HIBCH: variants seen among roughly 807,000 people sequenced by gnomAD.
HIBCH encodes 3-hydroxyisobutyryl-CoA hydrolase.
Under a neutral mutation model 58.2 loss-of-function variants are expected in HIBCH, and 50 were observed. The observed-to-expected ratio is 0.86, with a 90% confidence interval of 0.68 to 1.09. The LOEUF (loss-of-function observed/expected upper bound fraction) is 1.09, where lower values mean the gene tolerates loss of function less well. Ranked by LOEUF, HIBCH falls within the 50% of genes least tolerant of loss-of-function variation. The pLI is 0.00. For synonymous variants in HIBCH, 151 were observed against 146.9 expected (o/e 1.03, Z -0.20); for missense variants, 450 against 449.7 (o/e 1.00, Z -0.01).
At chr2:190,289,167 T>G (rs1687903415) in intron 5 of HIBCH, among the ~76,000 whole-genome samples, 1 of 152,134 alleles carries the variant, frequency 6.6e-6, no homozygotes, top group African/African-American at 2.4e-5. Flanking sequence ...TTTACTATTT[T>G]AAATACTTTA....
intron 11 of HIBCH, among the ~76,000 whole-genome samples, chr2:190,241,179 GGATA>G (rs1318488261): frequency 2.6e-5 from 4 of 152,130 alleles, no homozygotes; most frequent in Non-Finnish European, 4.4e-5. Flanking sequence ...TATATATTTA[GGATA>G]GTTAGCTTTT....
rs187405060 is a variant in HIBCH, at chr2:190,196,146, C to A, written c.*18-6149G>T. On this transcript the variant is annotated intron_variant, in intron 1 of 1. Coordinates refer to the HIBCH transcript ENST00000399855. ...GGTTTTCTAATTGTCCCTCCCCAAC[C>A]CCCAATGTTCTTCCTTTCCTGTCTT... 2.6e-5 allele frequency among the ~76,000 whole-genome samples: 4 copies of A among 152,098 alleles called. No homozygotes were observed. In the East Asian group the frequency reaches 5.8e-4, roughly 22 times the overall value.
rs1213320075 is a variant in HIBCH at position 190,214,987 on chromosome 2, T to A, written c.892-1912A>T. The A allele has an allele frequency of 6.6e-6, 1 of 152,222 alleles. No individual in the cohort carries two copies. The highest frequency in any genetic ancestry group is 1.5e-5 in the Non-Finnish European group (1 of 68,048). The allele number at this position is 152,222 out of a possible 1,614,324, so 9.4% of individuals were successfully genotyped here. ...TCTAATAAGTACTCTCTTAGAGAAG[T>A]CCCTATGGGACAGGGAGGAGTTGGG... is the stretch of plus-strand genomic sequence containing the variant. On this transcript the variant is annotated intron_variant, in intron 11 of 13. Coordinates refer to ENST00000359678, the MANE Select transcript of HIBCH (RefSeq NM_014362.4). This position sits in a 1 kb window ranked among gnomAD's most constrained non-coding sequence, Gnocchi z 5.5.
rs545858926 is a variant in HIBCH, at chr2:190,288,740, C to T, written c.386-1102G>A. Among the ~76,000 whole-genome samples, 6 of 152,196 alleles carry T rather than the reference C, an allele frequency of 3.9e-5. No homozygotes were observed. The South Asian group carries it at 1.2e-3, about 32-fold the overall frequency. The stretch of plus-strand genomic sequence containing the variant: ...CTAAAAAACAAAAGGAATTGGAAAG[C>T]TTAAAAAGCAGCGGCCTCTATTTGT... On this transcript the variant is annotated intron_variant, in intron 5 of 13. Coordinates refer to ENST00000359678, the MANE Select transcript of HIBCH (RefSeq NM_014362.4).
rs1690547578 is a variant in HIBCH at position 190,212,978 on chromosome 2, T to A, written c.989A>T (p.Tyr330Phe). The change falls in exon 12 of 14, where the codon TAT becomes TTT. Residue 330 changes from tyrosine (Y) to phenylalanine (F), a missense_variant. Transcript: ENST00000359678. ...TACCATACAAGCTTGACTTAGCCGATACTCCATAGTTAGTACTTCTTGCAA... is the reference window on the plus strand; with the variant it reads ...TACCATACAAGCTTGACTTAGCCGAAACTCCATAGTTAGTACTTCTTGCAA... ...KTLQEVLTME[Y>F]RLSQACMRGH... 1.2e-6 allele frequency: 2 copies of A among 1,611,950 alleles called. No homozygotes were observed. The highest frequency in any genetic ancestry group is 2.7e-5 in the African/African-American group (2 of 74,992).
At chr2:190,199,947 G>A, downstream of HIBCH, 1 of 1,614,114 alleles carries the variant, frequency 6.2e-7, no homozygotes, top group Non-Finnish European at 8.5e-7. Flanking sequence ...AACCCTTTAT[G>A]CCAGAAGAGA....
At chr2:190,286,335 C>T (rs1483128135) in intron 6 of HIBCH, among the ~76,000 whole-genome samples, 1 of 152,296 alleles carries the variant, frequency 6.6e-6, no homozygotes, top group African/African-American at 2.4e-5. Flanking sequence ...AACTTACACA[C>T]AAAAACAGTT....
Position 190,197,572 on chromosome 2 carries a change from C to A in HIBCH, c.*17+7528G>T, listed in dbSNP as rs989636421. Among the ~76,000 whole-genome samples, 2 of 152,120 alleles carry A rather than the reference C, an allele frequency of 1.3e-5. No individual in the cohort carries two copies. The highest frequency in any genetic ancestry group is 4.8e-5 in the African/African-American group (2 of 41,394). On this transcript the variant is annotated intron_variant, in intron 1 of 1. Coordinates refer to the HIBCH transcript ENST00000399855. This position sits in a 1 kb window ranked among gnomAD's most constrained non-coding sequence, Gnocchi z 4.0. ...AACCTCTGTTGCATCAGAGTTGCCA[C>A]TCTCTGACTCTCCTGGGGCTCAACT...
downstream of HIBCH, chr2:190,199,696 G>A (rs146918555): frequency 2.4e-4 from 344 of 1,441,198 alleles, 3 homozygotes; most frequent in African/African-American, 4.3e-3. Context: ...TCTCTTGACA[G>A]GTAAACACTA....
In HIBCH at chr2:190,315,647, C is replaced by T. The variant is rs1688695165; in HGVS notation, c.35+4069G>A. On this transcript the variant is annotated intron_variant, in intron 1 of 13. Coordinates refer to ENST00000359678, the MANE Select transcript of HIBCH (RefSeq NM_014362.4). The surrounding 1 kb of genome is among the most constrained non-coding windows in gnomAD (Gnocchi z 5.4). Reference sequence around the variant, plus strand: ...GTAGTGCTTAGTGAAAATTATTATCCCAGAAGTAGGCAAGGTGTGAACAGA... The same window carrying T: ...GTAGTGCTTAGTGAAAATTATTATCTCAGAAGTAGGCAAGGTGTGAACAGA... Among the ~76,000 whole-genome samples, 1 of 152,042 alleles carries T rather than the reference C, an allele frequency of 6.6e-6. No homozygotes were observed. Among genetic ancestry groups the T allele is most frequent in the South Asian group, 2.1e-4 (1 of 4,822 alleles).
chr2:190,264,668 T>G (rs1219647466), intron 6 of HIBCH, among the ~76,000 whole-genome samples: 1 of 152,228 alleles, frequency 6.6e-6, no homozygotes, highest in African/African-American at 2.4e-5. Context: ...ATAAACAATT[T>G]GTTAATCCAT....
chr2:190,278,975 T>C (rs1447453229), intron 6 of HIBCH, among the ~76,000 whole-genome samples: 1 of 152,200 alleles, frequency 6.6e-6, no homozygotes, highest in African/African-American at 2.4e-5. Flanking sequence ...TTGCTGTAAC[T>C]GAGTATCTGA....
chr2:190,296,901 CCTTTT>C lies in HIBCH; in HGVS notation c.126_130del (p.Lys43LeufsTer19). The C allele has an allele frequency of 6.2e-7, 1 of 1,613,922 alleles. No individual in the cohort carries two copies. Among genetic ancestry groups the C allele is most frequent in the Non-Finnish European group, 8.5e-7 (1 of 1,179,814 alleles). ...GTTTAGTGTTATGACTCCCGTGCAA[CCTTTT>C]TTTTCCAATAGCACCTCTTCTGCTG... On this transcript the variant is annotated frameshift_variant, in exon 3 of 14. Coordinates refer to ENST00000359678, the MANE Select transcript of HIBCH (RefSeq NM_014362.4). LOFTEE classifies it high-confidence loss of function.
intron 5 of HIBCH, among the ~76,000 whole-genome samples, chr2:190,289,330 G>A (rs1687907589): frequency 6.6e-6 from 1 of 151,564 alleles, no homozygotes; most frequent in East Asian, 1.9e-4. Flanking sequence ...TGTCTAAAAG[G>A]CACATGACAA....
At chr2:190,266,745 C>T (rs1183655655) in intron 6 of HIBCH, among the ~76,000 whole-genome samples, 1 of 148,228 alleles carries the variant, frequency 6.7e-6, no homozygotes, top group African/African-American at 2.5e-5. Flanking sequence ...CAAAATGAGC[C>T]GTTTTTATTT....
Position 190,304,025 on chromosome 2 carries a change from T to G in HIBCH, c.78+6729A>C, listed in dbSNP as rs953529742. ...CTACCTGACCACTACTCCTTAAAAT[T>G]GTCAAGGGCATGAAAAATATGGAAA... On this transcript the variant is annotated intron_variant, in intron 2 of 13. Coordinates refer to ENST00000359678, the MANE Select transcript of HIBCH (RefSeq NM_014362.4). This position sits in a 1 kb window ranked among gnomAD's most constrained non-coding sequence, Gnocchi z 4.1. Among the ~76,000 whole-genome samples, 1 of 152,042 alleles carries G rather than the reference T, an allele frequency of 6.6e-6. No individual in the cohort carries two copies. The highest frequency in any genetic ancestry group is 1.5e-5 in the Non-Finnish European group (1 of 68,012).
intron 4 of HIBCH, among the ~76,000 whole-genome samples, chr2:190,290,928 T>C (rs1198388758): frequency 7.9e-5 from 12 of 152,088 alleles, no homozygotes; most frequent in Non-Finnish European, 4.4e-5. Context: ...GGAGGATCAT[T>C]TGAGCCCAGG....
rs947328562 is a variant in HIBCH at position 190,211,929 on chromosome 2, T to C, written c.1011+1027A>G. The stretch of plus-strand genomic sequence containing the variant: ...TGCACTAAAAGTGTAATGAAAAACA[T>C]GGAATGTGTGAGGTATACAGGAGAG... On this transcript the variant is annotated intron_variant, in intron 12 of 13. Transcript: ENST00000359678. The surrounding 1 kb of genome is among the most constrained non-coding windows in gnomAD (Gnocchi z 5.0). Among the ~76,000 whole-genome samples, 6 of 152,156 alleles carry C rather than the reference T, an allele frequency of 3.9e-5. No individual in the cohort carries two copies. The highest frequency in any genetic ancestry group is 5.9e-5 in the Non-Finnish European group (4 of 68,024).
At chr2:190,196,468 C>T (rs1351172918) in intron 1 of HIBCH, among the ~76,000 whole-genome samples, 1 of 148,878 alleles carries the variant, frequency 6.7e-6, no homozygotes, top group Non-Finnish European at 1.5e-5. Flanking sequence ...CTTGGGTATA[C>T]TTAAATAGCT....
Sources: gnomAD v4.1 joint callset for allele counts (sites outside exome capture counted in the v4.1 genomes callset) on GRCh38, gnomAD v4.1.1 for gene constraint, Gnocchi (gnomAD v3.1) non-coding constraint, MANE v1.5 for transcripts, NCBI Gene and HGNC (gene_info 2026-07-23, HGNC 2026-07-21) for gene names.